ONECUT1: variants seen among roughly 807,000 people sequenced by gnomAD.
ONECUT1 encodes the protein one cut homeobox 1.
ONECUT1 carries 12 observed loss-of-function variants against 25.6 expected under a neutral mutation model. The ratio of observed to expected loss-of-function variants is 0.47; its 90% CI spans 0.30 to 0.76. The LOEUF (loss-of-function observed/expected upper bound fraction) is 0.76, where lower values mean the gene tolerates loss of function less well. ONECUT1 is among the 30% of genes least tolerant of loss of function. The pLI, the probability that ONECUT1 is intolerant of heterozygous loss-of-function variation, is 0.07. For missense variants in ONECUT1, 620 were observed against 651.2 expected (o/e 0.95, Z 0.52); for synonymous variants, 285 against 270.2 (o/e 1.05, Z -0.54).
At position 52,757,300 on chromosome 15, in the gene ONECUT1, T is replaced by G; in HGVS notation, c.*255A>C. On this transcript the variant is annotated 3_prime_UTR_variant, in exon 2 of 2. Coordinates refer to ENST00000305901, the MANE Select transcript of ONECUT1 (RefSeq NM_004498.4). ...CAAGCACAGCGAGGATGGTCATGGA[T>G]TGAAGGTGTGAGATCCAGTGGTGTT... 2.1e-6 allele frequency: 1 copy of G among 470,936 alleles called. No homozygotes were observed. The highest frequency in any genetic ancestry group is 3.7e-6 in the Non-Finnish European group (1 of 267,298). The allele number at this position is 470,936 out of a possible 1,614,324, so 29.2% of individuals were successfully genotyped here.
intron 1 of ONECUT1, 35 bp from the exon 2 acceptor site, chr15:52,757,882 G>T (rs1266795824): frequency 6.3e-7 from 1 of 1,583,810 alleles, no homozygotes; most frequent in Admixed American, 1.8e-5. Flanking sequence ...AGAACAAATG[G>T]TCTAGGGGAG....
chr15:52,788,687 C>A lies in ONECUT1; in HGVS notation c.1105+93G>T. 3 of 1,369,984 alleles carry A rather than the reference C, an allele frequency of 2.2e-6. No homozygotes were observed. In the South Asian group the frequency reaches 4.0e-5, roughly 18 times the overall value. 84.9% of individuals were successfully genotyped at this position (1,369,984 alleles called of 1,614,324 possible). A position where few individuals can be genotyped will look rare whatever the true frequency, so the allele number is the denominator to read the frequency against. Reference sequence around the variant, plus strand: ...AGGGGTAGGGGCGGGCGGGATGAAGCGCACCCAGCCCTCTCTCCTACCCTT... The same window carrying A: ...AGGGGTAGGGGCGGGCGGGATGAAGAGCACCCAGCCCTCTCTCCTACCCTT... On this transcript the variant is annotated intron_variant, in intron 1 of 1. Coordinates refer to ENST00000305901, the MANE Select transcript of ONECUT1 (RefSeq NM_004498.4). The surrounding 1 kb of genome is among the most constrained non-coding windows in gnomAD (Gnocchi z 4.3).
At chr15:52,772,482 G>A (rs548999208) in intron 1 of ONECUT1, among the ~76,000 whole-genome samples, 2 of 152,170 alleles carry the variant, frequency 1.3e-5, no homozygotes, top group South Asian at 4.1e-4. Context: ...TATGATGAAA[G>A]AGGAAGTTGG....
intron 1 of ONECUT1, among the ~76,000 whole-genome samples, chr15:52,778,344 T>G (rs548874327): frequency 6.6e-6 from 1 of 152,314 alleles, no homozygotes; most frequent in African/African-American, 2.4e-5. Flanking sequence ...CAGTGAACGT[T>G]TAGGCTTTTT....
At chr15:52,769,941 G>A (rs766051920) in intron 1 of ONECUT1, among the ~76,000 whole-genome samples, 4 of 152,182 alleles carry the variant, frequency 2.6e-5, no homozygotes, top group Non-Finnish European at 4.4e-5. Context: ...TTAATGAGAT[G>A]ACTCCAGCAG....
chr15:52,771,436 A>AGTGTGTGTGTGT lies in ONECUT1; in HGVS notation c.1106-13601_1106-13590dup, dbSNP rs60500029. ...TCATCTCATTTTTGCATAAAAAGCA[A>AGTGTGTGTGTGT]GTGTGTGTGTGTGTGTGTGTGTGTG... is the stretch of plus-strand genomic sequence containing the variant. On this transcript the variant is annotated intron_variant, in intron 1 of 1. Transcript: ENST00000305901. 2.3e-4 allele frequency among the ~76,000 whole-genome samples: 34 copies of AGTGTGTGTGTGT among 144,976 alleles called. No individual in the cohort carries two copies. In the East Asian group the frequency reaches 4.6e-3, roughly 20 times the overall value.
At chr15:52,775,709 CT>C (rs1239261819) in intron 1 of ONECUT1, among the ~76,000 whole-genome samples, 1 of 152,194 alleles carries the variant, frequency 6.6e-6, no homozygotes, top group African/African-American at 2.4e-5. Flanking sequence ...TTAAAAAAGT[CT>C]GTTGCTTATG....
At chr15:52,765,046 C>T (rs546873123) in intron 1 of ONECUT1, among the ~76,000 whole-genome samples, 35 of 152,334 alleles carry the variant, frequency 2.3e-4, no homozygotes, top group South Asian at 4.1e-4. Context: ...CCATGGCATC[C>T]CTGCAAACCC....
chr15:52,789,948 C>T lies in ONECUT1; in HGVS notation c.-64G>A. ...GTGGCCAGGCAGAGGCGGCGAGGGG[C>T]GCACGGAGTCCGGTCTTCACATCGG... On this transcript the variant is annotated 5_prime_UTR_variant, in exon 1 of 2. Transcript: ENST00000305901. The surrounding 1 kb of genome is among the most constrained non-coding windows in gnomAD (Gnocchi z 4.1). The T allele has an allele frequency of 2.0e-6, 3 of 1,463,648 alleles. No homozygotes were observed. The highest frequency in any genetic ancestry group is 2.7e-6 in the Non-Finnish European group (3 of 1,116,166). The allele number at this position is 1,463,648 out of a possible 1,614,324, so 90.7% of individuals were successfully genotyped here.
In ONECUT1 at chr15:52,772,348, C is replaced by T. The variant is rs535855834; in HGVS notation, c.1106-14501G>A. On this transcript the variant is annotated intron_variant, in intron 1 of 1. Coordinates refer to ENST00000305901, the MANE Select transcript of ONECUT1 (RefSeq NM_004498.4). Reference sequence around the variant, plus strand: ...TGCAGAGGTTGCAGTGAGCCAAGATCGTGCCACTGCACTCCAGCCTGGGCG... The same window carrying T: ...TGCAGAGGTTGCAGTGAGCCAAGATTGTGCCACTGCACTCCAGCCTGGGCG... Among the ~76,000 whole-genome samples the T allele has an allele frequency of 4.5e-4, 66 of 147,992 alleles. 1 individual carries two copies. Among genetic ancestry groups the T allele is most frequent in the Non-Finnish European group, 7.4e-4 (50 of 67,490 alleles).
In ONECUT1 at chr15:52,789,447, G is replaced by A. The variant is rs761588437; in HGVS notation, c.438C>T (p.Ser146=). Residue 146 remains serine, a synonymous_variant, in exon 1 of 2, where the codon AGC becomes AGT. Transcript: ENST00000305901. The surrounding 1 kb of genome is among the most constrained non-coding windows in gnomAD (Gnocchi z 4.1). The part of the protein sequence containing the change: ...HHHQRLAGNV[S]GSFTLMRDER... ...CATCCCGCATGAGCGTGAAGCTACCGCTCACGTTGCCCGCCAGGCGCTGGT... is the reference window on the plus strand; with the variant it reads ...CATCCCGCATGAGCGTGAAGCTACCACTCACGTTGCCCGCCAGGCGCTGGT... The A allele has an allele frequency of 6.2e-7, 1 of 1,613,770 alleles. No homozygotes were observed. The highest frequency in any genetic ancestry group is 1.1e-5 in the South Asian group (1 of 91,052).
intron 1 of ONECUT1, among the ~76,000 whole-genome samples, chr15:52,761,748 G>T (rs1490154469): frequency 1.3e-5 from 2 of 152,176 alleles, no homozygotes; most frequent in Non-Finnish European, 2.9e-5. Context: ...TTCTTGGGCG[G>T]TCAAATCAAG....
At chr15:52,770,349 A>G (rs1288978807) in intron 1 of ONECUT1, among the ~76,000 whole-genome samples, 1 of 152,254 alleles carries the variant, frequency 6.6e-6, no homozygotes, top group Non-Finnish European at 1.5e-5. Flanking sequence ...TACTTAGCCA[A>G]GGCTGAGAAC....
chr15:52,755,094 T>C lies in ONECUT1; in HGVS notation c.*2461A>G, dbSNP rs539159133. Among the ~76,000 whole-genome samples, 3 of 151,570 alleles carry C rather than the reference T, an allele frequency of 2.0e-5. No individual in the cohort carries two copies. Among genetic ancestry groups the C allele is most frequent in the Admixed American group, 2.0e-4 (3 of 15,234 alleles). On this transcript the variant is annotated 3_prime_UTR_variant, in exon 2 of 2. Transcript: ENST00000305901. ...TACTAGCAACAAATAAAAAACATGG[T>C]TGTCTGAATTCTGCTATTCTTTTCT...
At chr15:52,772,660 G>A (rs1487043800) in intron 1 of ONECUT1, among the ~76,000 whole-genome samples, 1 of 152,154 alleles carries the variant, frequency 6.6e-6, no homozygotes, top group Non-Finnish European at 1.5e-5. Context: ...TGTATCTCAT[G>A]CCCAGAAAGA....
chr15:52,769,571 G>A (rs74688537), intron 1 of ONECUT1, among the ~76,000 whole-genome samples: 24,202 of 152,164 alleles, frequency 0.16, 2,019 homozygotes, highest in African/African-American at 0.19. Context: ...AGTCAGTAAA[G>A]GTTGGCTGAG....
chr15:52,762,649 G>T (rs1457272170), intron 1 of ONECUT1, among the ~76,000 whole-genome samples: 1 of 152,184 alleles, frequency 6.6e-6, no homozygotes, highest in Admixed American at 6.5e-5. Flanking sequence ...CAGTATCCAC[G>T]TGGGTATGGG....
Position 52,789,056 on chromosome 15 carries a change from C to A in ONECUT1, c.829G>T (p.Gly277Cys). The A allele has an allele frequency of 6.2e-7, 1 of 1,603,162 alleles. No homozygotes were observed. The highest frequency in any genetic ancestry group is 8.5e-7 in the Non-Finnish European group (1 of 1,179,970). Residue 277 changes from glycine (G) to cysteine (C), a missense_variant, in exon 1 of 2, where the codon GGC becomes TGC. By Grantham distance (159) the Gly-to-Cys change is radical. Around this residue, in one of 4 missense-constraint regions of ONECUT1, gnomAD observed 146 missense variants for 201.8 expected, o/e 0.72. Transcript: ENST00000305901. This position sits in a 1 kb window ranked among gnomAD's most constrained non-coding sequence, Gnocchi z 4.1. ...TAREPNPSVTGAQVSNGSNSG... is the reference protein window; with the variant it reads ...TAREPNPSVTCAQVSNGSNSG... ...TTACTTCCATTGCTGACCTGCGCGC[C>A]GGTCACCGAAGGGTTGGGCTCCCGG...
chr15:52,778,753 G>A (rs2083820350), intron 1 of ONECUT1, among the ~76,000 whole-genome samples: 1 of 152,178 alleles, frequency 6.6e-6, no homozygotes, highest in African/African-American at 2.4e-5. Context: ...TGCAGACAGA[G>A]CACTAAACTT....
Sources: gnomAD v4.1 joint callset for allele counts (sites outside exome capture counted in the v4.1 genomes callset) on GRCh38, gnomAD v4.1.1 for gene constraint, gnomAD v4.1.1 regional missense constraint, Gnocchi (gnomAD v3.1) non-coding constraint, MANE v1.5 for transcripts, NCBI Gene and HGNC (gene_info 2026-07-23, HGNC 2026-07-21) for gene names.